The following EIF5A2 variants were observed in gnomAD, a reference collection of about 807,000 sequenced individuals.
EIF5A2 encodes the protein eukaryotic translation initiation factor 5A2.
A neutral mutation model predicts 16.4 loss-of-function variants in EIF5A2; 15 were observed. That is an observed-to-expected ratio of 0.92 (90% confidence interval 0.61 to 1.41). EIF5A2 has a LOEUF of 1.41. Among genes scored for constraint, EIF5A2 ranks in the 40% most tolerant of loss-of-function variants. The pLI, the probability that EIF5A2 is intolerant of heterozygous loss-of-function variation, is 0.00. For missense variants in EIF5A2, 144 were observed against 189.5 expected (o/e 0.76, Z 1.41); for synonymous variants, 48 against 61.1 (o/e 0.79, Z 1.00).
At chr3:170,900,077 T>C (rs1165296839) in intron 3 of EIF5A2, among the ~76,000 whole-genome samples, 1 of 151,866 alleles carries the variant, frequency 6.6e-6, no homozygotes, top group Non-Finnish European at 1.5e-5. Context: ...GCTATCAGAA[T>C]GTGGTATTTT....
Position 170,889,334 on chromosome 3 carries a change from C to G in EIF5A2, c.*4026G>C, listed in dbSNP as rs1712471330. On this transcript the variant is annotated 3_prime_UTR_variant, in exon 5 of 5. Coordinates refer to ENST00000295822, the MANE Select transcript of EIF5A2 (RefSeq NM_020390.6). ...TTCAAGCCATGTTCCCATAGAACAT[C>G]TGTGTTTCATAAGCTAAATCCAAAT... 1 of 152,396 alleles carries G rather than the reference C, an allele frequency of 6.6e-6. No homozygotes were observed. Among genetic ancestry groups the G allele is most frequent in the Non-Finnish European group, 1.5e-5 (1 of 67,932 alleles). The allele number at this position is 152,396 out of a possible 1,614,324, so 9.4% of individuals were successfully genotyped here. A position where few individuals can be genotyped will look rare whatever the true frequency, so the allele number is the denominator to read the frequency against.
rs1712457692 is a variant in EIF5A2, at chr3:170,889,048, C to CTTTTTGTTTTTTT, written c.*4311_*4312insAAAAAAACAAAAA. On this transcript the variant is annotated 3_prime_UTR_variant, in exon 5 of 5. Coordinates refer to ENST00000295822, the MANE Select transcript of EIF5A2 (RefSeq NM_020390.6). ...ACTTCATATAAATACAATAACCTGTCTTTTTTTTTTTTTTTTTTTTTTTGT... is the reference window on the plus strand; with the variant it reads ...ACTTCATATAAATACAATAACCTGTCTTTTTGTTTTTTTTTTTTTTTTTTTTTTTTTTTTTTGT... The CTTTTTGTTTTTTT allele has an allele frequency of 1.0e-5, 1 of 96,188 alleles. No individual in the cohort carries two copies. The highest frequency in any genetic ancestry group is 4.1e-5 in the African/African-American group (1 of 24,294). 6.0% of individuals were successfully genotyped at this position (96,188 alleles called of 1,614,324 possible).
intron 3 of EIF5A2, among the ~76,000 whole-genome samples, chr3:170,905,329 A>G (rs1174657029): frequency 6.6e-6 from 1 of 152,170 alleles, no homozygotes; most frequent in Admixed American, 6.5e-5. Context: ...CTAGGACCCA[A>G]ACCAAATTTT....
At chr3:170,902,011 C>T (rs1200882724) in intron 3 of EIF5A2, among the ~76,000 whole-genome samples, 1 of 152,158 alleles carries the variant, frequency 6.6e-6, no homozygotes, top group Admixed American at 6.5e-5. Flanking sequence ...TCATCTGACC[C>T]ATCAAGCCAC....
chr3:170,898,239 G>A (rs892270717), intron 3 of EIF5A2, among the ~76,000 whole-genome samples: 4 of 152,198 alleles, frequency 2.6e-5, no homozygotes, highest in African/African-American at 9.7e-5. Context: ...GCTGGAATGA[G>A]TTAAGACTTT....
rs1420772216 is a variant in EIF5A2, at chr3:170,890,516, T to C, written c.*2844A>G. The C allele has an allele frequency of 6.6e-6, 1 of 152,168 alleles. No individual in the cohort carries two copies. The highest frequency in any genetic ancestry group is 2.4e-5 in the African/African-American group (1 of 41,462). 9.4% of individuals were successfully genotyped at this position (152,168 alleles called of 1,614,324 possible). A position where few individuals can be genotyped will look rare whatever the true frequency, so the allele number is the denominator to read the frequency against. ...GGAAGGGAGCATGAAAAAAACATCA[T>C]AATTATGTTTATGATGCAAATGCTA... is the stretch of plus-strand genomic sequence containing the variant. On this transcript the variant is annotated 3_prime_UTR_variant, in exon 5 of 5. Coordinates refer to ENST00000295822, the MANE Select transcript of EIF5A2 (RefSeq NM_020390.6).
Position 170,888,527 on chromosome 3 carries a change from G to GT in EIF5A2, c.*4832dup, listed in dbSNP as rs910218893. On this transcript the variant is annotated 3_prime_UTR_variant, in exon 5 of 5. Coordinates refer to ENST00000295822, the MANE Select transcript of EIF5A2 (RefSeq NM_020390.6). ...GTTAAGGTATTATCTATATTTAAAG[G>GT]TTTTTTAAGTCAAAGACTTAACATT... 12 of 152,530 alleles carry GT rather than the reference G, an allele frequency of 7.9e-5. No homozygotes were observed. The highest frequency in any genetic ancestry group is 1.3e-4 in the Non-Finnish European group (9 of 67,964). 9.4% of individuals were successfully genotyped at this position (152,530 alleles called of 1,614,324 possible).
chr3:170,900,105 T>A (rs1338028972), intron 3 of EIF5A2, among the ~76,000 whole-genome samples: 3 of 152,028 alleles, frequency 2.0e-5, no homozygotes, highest in African/African-American at 7.2e-5. Context: ...GTGCAGTGGC[T>A]CACACCTGTA....
At position 170,894,266 on chromosome 3, in the gene EIF5A2, A is replaced by G. The variant is rs374185448; in HGVS notation, c.402+26T>C. 9.3e-6 allele frequency: 15 copies of G among 1,605,598 alleles called. No individual in the cohort carries two copies. In the Admixed American group the frequency reaches 1.2e-4, roughly 13 times the overall value. On this transcript the variant is annotated intron_variant, in intron 4 of 4. Transcript: ENST00000295822. ...CAAAGTTTTTATAAAATGGTTTTCA[A>G]AAATAATCCTTCTCTAAGTCTTTAC...
At position 170,892,698 on chromosome 3, in the gene EIF5A2, C is replaced by T; in HGVS notation, c.*662G>A. On this transcript the variant is annotated 3_prime_UTR_variant, in exon 5 of 5. Transcript: ENST00000295822. ...TGTGTCTTCCTTATAATCTTACTTGCTAACTAACTTTCACCCAACAGTTCA... is the reference window on the plus strand; with the variant it reads ...TGTGTCTTCCTTATAATCTTACTTGTTAACTAACTTTCACCCAACAGTTCA... 2.5e-6 allele frequency: 1 copy of T among 394,336 alleles called. No individual in the cohort carries two copies. Among genetic ancestry groups the T allele is most frequent in the Non-Finnish European group, 4.4e-6 (1 of 225,782 alleles). The allele number at this position is 394,336 out of a possible 1,614,324, so 24.4% of individuals were successfully genotyped here.
intron 3 of EIF5A2, among the ~76,000 whole-genome samples, chr3:170,906,396 C>T (rs1560011458): frequency 2.6e-5 from 4 of 152,146 alleles, no homozygotes; most frequent in Admixed American, 2.6e-4. Flanking sequence ...CATAATTTAG[C>T]AAAAGGTCAT....
At chr3:170,902,255 G>A (rs894712211) in intron 3 of EIF5A2, among the ~76,000 whole-genome samples, 8 of 152,138 alleles carry the variant, frequency 5.3e-5, no homozygotes, top group African/African-American at 1.9e-4. Flanking sequence ...TTTCTAGATG[G>A]TTATGCATTA....
At position 170,908,536 on chromosome 3, in the gene EIF5A2, T is replaced by C. The variant is rs774020257; in HGVS notation, c.-36+7A>G. On this transcript the variant is annotated splice_region_variant and intron_variant, in intron 1 of 4. Transcript: ENST00000295822. ...TTTTCCCCACCAGCTTTTCCCCAGG[T>C]CTTCACCTTTCAGCTGGCAAAGAGC... 2.0e-5 allele frequency: 3 copies of C among 153,018 alleles called. No individual in the cohort carries two copies. Among genetic ancestry groups the C allele is most frequent in the Non-Finnish European group, 4.4e-5 (3 of 68,708 alleles). 9.5% of individuals were successfully genotyped at this position (153,018 alleles called of 1,614,324 possible). A position where few individuals can be genotyped will look rare whatever the true frequency, so the allele number is the denominator to read the frequency against.
intron 2 of EIF5A2, 37 bp from the exon 3 acceptor site, chr3:170,907,130 C>T (rs1576790725): frequency 7.3e-7 from 1 of 1,362,686 alleles, no homozygotes; most frequent in Non-Finnish European, 1.0e-6. Context: ...TTAATCTCTG[C>T]CAAGTATATC....
intron 1 of EIF5A2, among the ~76,000 whole-genome samples, chr3:170,908,097 G>A (rs928542066): frequency 5.9e-5 from 9 of 152,202 alleles, no homozygotes; most frequent in African/African-American, 1.9e-4. Context: ...CCTCCGTGCT[G>A]GAAACAGCAG....
chr3:170,903,230 C>T (rs1389819497), intron 3 of EIF5A2, among the ~76,000 whole-genome samples: 2 of 152,136 alleles, frequency 1.3e-5, no homozygotes, highest in Non-Finnish European at 2.9e-5. Context: ...CAGAATGCCT[C>T]GTTCCTGTCA....
At chr3:170,904,182 G>A (rs1242612692) in intron 3 of EIF5A2, among the ~76,000 whole-genome samples, 1 of 152,202 alleles carries the variant, frequency 6.6e-6, no homozygotes, top group Non-Finnish European at 1.5e-5. Context: ...TAATGTAAAT[G>A]AGCAATTCTA....
rs537439591 is a variant in EIF5A2, at chr3:170,893,226, C to G, written c.*134G>C. 6.8e-4 allele frequency: 532 copies of G among 778,818 alleles called. 3 individuals carry two copies. The highest frequency in any genetic ancestry group is 3.5e-3 in the Middle Eastern group (13 of 3,702). The allele number at this position is 778,818 out of a possible 1,614,324, so 48.2% of individuals were successfully genotyped here. On this transcript the variant is annotated 3_prime_UTR_variant, in exon 5 of 5. Transcript: ENST00000295822. The stretch of plus-strand genomic sequence containing the variant: ...ATTATCAATTGCTTGCAAAACTAAC[C>G]CAGCACAATCTGAAAACAATTAAAA...
In EIF5A2 at chr3:170,889,336, G is replaced by C. The variant is rs1712471424; in HGVS notation, c.*4024C>G. 1 of 152,458 alleles carries C rather than the reference G, an allele frequency of 6.6e-6. No individual in the cohort carries two copies. The highest frequency in any genetic ancestry group is 6.6e-5 in the Admixed American group (1 of 15,242). 9.4% of individuals were successfully genotyped at this position (152,458 alleles called of 1,614,324 possible). On this transcript the variant is annotated 3_prime_UTR_variant, in exon 5 of 5. Transcript: ENST00000295822. ...CAAGCCATGTTCCCATAGAACATCTGTGTTTCATAAGCTAAATCCAAATGT... is the reference window on the plus strand; with the variant it reads ...CAAGCCATGTTCCCATAGAACATCTCTGTTTCATAAGCTAAATCCAAATGT...
Sources: allele counts gnomAD v4.1 joint callset (sites outside exome capture counted in the v4.1 genomes callset), GRCh38; gene constraint gnomAD v4.1.1; transcripts MANE v1.5; gene names NCBI Gene and HGNC (gene_info 2026-07-23, HGNC 2026-07-21).